The following NPAS3 variants were observed in gnomAD, a reference collection of about 807,000 sequenced individuals.
NPAS3 encodes the protein neuronal PAS domain protein 3, also known as neuronal PAS domain-containing protein 3.
In NPAS3, 14 loss-of-function variants were observed where a neutral mutation model predicts 73.1. The observed-to-expected ratio is 0.19, with a 90% CI of 0.13 to 0.30. The LOEUF (loss-of-function observed/expected upper bound fraction) is 0.30. Among genes scored for constraint, NPAS3 ranks in the 10% least tolerant of loss-of-function variants. The pLI, the probability that NPAS3 is intolerant of heterozygous loss-of-function variation, is 1.00. For synonymous variants in NPAS3, 620 were observed against 541.5 expected, an observed-to-expected ratio of 1.14 and a Z score of -2.01; for missense variants, 1,096 against 1,250.0, an observed-to-expected ratio of 0.88 and a Z score of 1.86.
intron 6 of NPAS3, among the ~76,000 whole-genome samples, chr14:33,707,652 A>G (rs887498348): frequency 6.6e-6 from 1 of 152,206 alleles, no homozygotes; most frequent in Non-Finnish European, 1.5e-5. Context: ...TTCCTGCCCA[A>G]GTGGAGCTAA....
chr14:33,421,368 G>C (rs868332192), intron 4 of NPAS3, among the ~76,000 whole-genome samples: 2 of 151,836 alleles, frequency 1.3e-5, no homozygotes, highest in Admixed American at 6.6e-5. Flanking sequence ...ATTTTGCCTA[G>C]TGAAAAAAAT....
intron 2 of NPAS3, among the ~76,000 whole-genome samples, chr14:33,098,575 G>A (rs934556617): frequency 6.6e-6 from 1 of 152,162 alleles, no homozygotes; most frequent in Non-Finnish European, 1.5e-5. Context: ...TTCTAGCAAA[G>A]TTCTAACTAA....
At chr14:33,057,313 T>A (rs970822204) in intron 2 of NPAS3, among the ~76,000 whole-genome samples, 1 of 152,240 alleles carries the variant, frequency 6.6e-6, no homozygotes, top group African/African-American at 2.4e-5. Context: ...ATCATCATTT[T>A]AAAAAATTCT....
Position 33,152,510 on chromosome 14 carries a change from C to T in NPAS3, c.141-62672C>T, listed in dbSNP as rs541856308. 6.6e-5 allele frequency among the ~76,000 whole-genome samples: 10 copies of T among 152,180 alleles called. No homozygotes were observed. In the South Asian group the frequency reaches 8.3e-4, roughly 13 times the overall value. ...TTTTTTTCTTCCCTCACTTTGACAG[C>T]GCACATTCTCTGGTAGTTTGCTGGG... On this transcript the variant is annotated intron_variant, in intron 2 of 11. Coordinates refer to ENST00000356141, the Ensembl canonical transcript of NPAS3.
intron 5 of NPAS3, among the ~76,000 whole-genome samples, chr14:33,611,541 C>T (rs2057748871): frequency 6.9e-6 from 1 of 144,580 alleles, no homozygotes; most frequent in African/African-American, 2.6e-5. Flanking sequence ...GTCTTACCTC[C>T]AGAGCTTATA....
At chr14:33,772,599 C>T (rs2062690162) in intron 7 of NPAS3, among the ~76,000 whole-genome samples, 1 of 152,174 alleles carries the variant, frequency 6.6e-6, no homozygotes, top group African/African-American at 2.4e-5. Context: ...GCTGAGTGTT[C>T]CTGATAAAAC....
At chr14:32,936,581 C>T (rs1247108733), upstream of NPAS3, among the ~76,000 whole-genome samples, 2 of 152,010 alleles carry the variant, frequency 1.3e-5, no homozygotes, top group East Asian at 3.9e-4. Context: ...AGGCAATGGT[C>T]ACAATAGTAT....
intron 5 of NPAS3, chr14:33,612,476 C>A (rs937829136): frequency 4.4e-6 from 2 of 455,942 alleles, no homozygotes; most frequent in African/African-American, 4.0e-5. Context: ...AGTTACAAAG[C>A]ATTTATGTCA....
chr14:33,070,301 T>C (rs79796226), intron 2 of NPAS3, among the ~76,000 whole-genome samples: 6,084 of 152,244 alleles, frequency 0.04, 216 homozygotes, highest in African/African-American at 0.097. Context: ...CATGTAGTTG[T>C]TGTTTTTTTC....
At chr14:33,735,215 G>A in exon 7 of NPAS3, 1 of 1,610,292 alleles carries the variant, frequency 6.2e-7, no homozygotes, top group Admixed American at 1.7e-5. Context: ...ATTCCTCAGT[G>A]GAGTCAACCA....
chr14:33,241,657 C>T (rs947588051), intron 3 of NPAS3, among the ~76,000 whole-genome samples: 2 of 151,914 alleles, frequency 1.3e-5, no homozygotes, highest in African/African-American at 4.8e-5. Context: ...ACATTATTGG[C>T]TTATGGGCTG....
chr14:33,016,147 A>G (rs556838099), intron 1 of NPAS3, among the ~76,000 whole-genome samples: 61 of 152,260 alleles, frequency 4.0e-4, no homozygotes, highest in South Asian at 2.3e-3. Flanking sequence ...ATAATTGAAT[A>G]CCCTCAACTT....
At chr14:33,111,726 T>A (rs2042900109) in intron 2 of NPAS3, among the ~76,000 whole-genome samples, 1 of 151,892 alleles carries the variant, frequency 6.6e-6, no homozygotes, top group Non-Finnish European at 1.5e-5. Context: ...GTTTGTTACA[T>A]ATGTATACAT....
intron 2 of NPAS3, among the ~76,000 whole-genome samples, chr14:33,120,830 A>G (rs1242408687): frequency 6.6e-6 from 1 of 152,114 alleles, no homozygotes; most frequent in East Asian, 1.9e-4. Context: ...GGGAAGGAGA[A>G]GTATGAGTTT....
intron 4 of NPAS3, among the ~76,000 whole-genome samples, chr14:33,459,939 G>T (rs1268717833): frequency 6.6e-6 from 1 of 152,136 alleles, no homozygotes; most frequent in Non-Finnish European, 1.5e-5. Flanking sequence ...TCTGCCTAGT[G>T]CCCAGCATGG....
At chr14:33,117,054 T>C (rs2043089233) in intron 2 of NPAS3, among the ~76,000 whole-genome samples, 1 of 152,162 alleles carries the variant, frequency 6.6e-6, no homozygotes, top group Non-Finnish European at 1.5e-5. Context: ...CCGTTAGTAT[T>C]ACAGCATTAT....
chr14:33,407,617 G>A (rs1333621804), intron 4 of NPAS3, among the ~76,000 whole-genome samples: 1 of 152,074 alleles, frequency 6.6e-6, no homozygotes, highest in Non-Finnish European at 1.5e-5. Context: ...ATTCTCTTAT[G>A]TAAGTACAGA....
At chr14:33,366,271 A>T (rs7148507) in intron 3 of NPAS3, among the ~76,000 whole-genome samples, 40,802 of 151,678 alleles carry the variant, frequency 0.27, 5,822 homozygotes, top group Non-Finnish European at 0.3. Context: ...AAATTTTTTT[A>T]AAAAAAGAAA....
chr14:32,962,590 G>A (rs1262157515), intron 1 of NPAS3, among the ~76,000 whole-genome samples: 1 of 12,202 alleles, frequency 8.2e-5, no homozygotes, highest in East Asian at 1.4e-3. Context: ...TTTTTTTTTT[G>A]AGACTGGGTC....
Sources: gnomAD v4.1 joint callset for allele counts (sites outside exome capture counted in the v4.1 genomes callset) on GRCh38, gnomAD v4.1.1 for gene constraint, MANE v1.5 for transcripts, NCBI Gene and HGNC (gene_info 2026-07-23, HGNC 2026-07-21) for gene names.